The following KSR2 variants were observed in gnomAD, a reference collection of about 807,000 sequenced individuals.
KSR2 encodes kinase suppressor of ras 2.
In KSR2, 25 loss-of-function variants were observed where a neutral mutation model predicts 107.8. The ratio of observed to expected loss-of-function variants is 0.23; its 90% CI spans 0.17 to 0.32. KSR2 has a LOEUF of 0.32. KSR2 is among the 10% of genes least tolerant of loss of function. KSR2 has a pLI of 1.00. For synonymous variants in KSR2, 480 were observed against 507.0 expected (o/e 0.95, Z 0.71); for missense variants, 887 against 1,268.9 (o/e 0.70, Z 4.57).
At chr12:117,632,874 C>T (rs946613410) in intron 5 of KSR2, among the ~76,000 whole-genome samples, 1 of 152,206 alleles carries the variant, frequency 6.6e-6, no homozygotes, top group African/African-American at 2.4e-5. Flanking sequence ...TGATCTCATT[C>T]ATTTTTATGG....
intron 5 of KSR2, among the ~76,000 whole-genome samples, chr12:117,638,669 T>C (rs2136395856): frequency 6.6e-6 from 1 of 152,262 alleles, no homozygotes; most frequent in East Asian, 1.9e-4. Context: ...CTCAGGATGA[T>C]GCTATCTCTG....
chr12:117,483,727 T>C (rs893540154), intron 16 of KSR2, among the ~76,000 whole-genome samples: 9 of 152,210 alleles, frequency 5.9e-5, no homozygotes, highest in Admixed American at 3.9e-4. Flanking sequence ...TGATGGTTAA[T>C]GATTCTCCTG....
intron 4 of KSR2, among the ~76,000 whole-genome samples, chr12:117,690,015 A>C (rs995666893): frequency 6.6e-6 from 1 of 151,934 alleles, no homozygotes; most frequent in African/African-American, 2.4e-5. Flanking sequence ...GGAAGAGAGA[A>C]AGAGAAGGAG....
intron 4 of KSR2, among the ~76,000 whole-genome samples, chr12:117,702,915 G>A (rs1378292358): frequency 6.6e-6 from 1 of 152,208 alleles, no homozygotes; most frequent in Non-Finnish European, 1.5e-5. Context: ...TCTTTTCACA[G>A]CTGGACAACT....
intron 1 of KSR2, among the ~76,000 whole-genome samples, chr12:117,949,328 C>T (rs796666816): frequency 6.6e-6 from 1 of 151,124 alleles, no homozygotes; most frequent in Non-Finnish European, 1.5e-5. Flanking sequence ...AGAAAATCTT[C>T]GGAATGGGAG....
rs151098280 is a variant in KSR2 at position 117,770,017 on chromosome 12, G to A, written c.473-8493C>T. Among the ~76,000 whole-genome samples the A allele has an allele frequency of 5.9e-3, 894 of 150,750 alleles. 20 individuals are homozygous for A. The highest frequency in any genetic ancestry group is 0.021 in the African/African-American group (840 of 40,686). On this transcript the variant is annotated intron_variant, in intron 3 of 19. Coordinates refer to ENST00000339824, the MANE Select transcript of KSR2 (RefSeq NM_173598.6). The stretch of plus-strand genomic sequence containing the variant: ...TGCAGTGAGCTAAGATTGTGTCATT[G>A]CACTCCAGCCTGGATGACAAGAGTG...
At position 117,541,269 on chromosome 12, in the gene KSR2, TGGAGGCATG is replaced by T. The variant is rs1231527930; in HGVS notation, c.1519-1391_1519-1383del. 8.1e-4 allele frequency among the ~76,000 whole-genome samples: 113 copies of T among 139,084 alleles called. 2 individuals carry two copies. The highest frequency in any genetic ancestry group is 3.3e-3 in the South Asian group (14 of 4,238). 91.2% of individuals were successfully genotyped at this position (139,084 alleles called of 152,430 possible). On this transcript the variant is annotated intron_variant, in intron 9 of 19. Coordinates refer to ENST00000339824, the MANE Select transcript of KSR2 (RefSeq NM_173598.6). ...AGGCAGGGGGGAACAGTAGCTGATGTGGAGGCATGGGAGGCAGGGAGGCAGGCAGGGAGG... is the reference window on the plus strand; with the variant it reads ...AGGCAGGGGGGAACAGTAGCTGATGTGGAGGCAGGGAGGCAGGCAGGGAGG...
chr12:117,469,614 G>A (rs746274476), intron 19 of KSR2, 48 bp downstream of exon 19: 1 of 1,596,422 alleles, frequency 6.3e-7, no homozygotes, highest in South Asian at 1.1e-5. Flanking sequence ...AGGTGACAAA[G>A]GGCAGAGGAC....
intron 5 of KSR2, among the ~76,000 whole-genome samples, chr12:117,590,995 A>G (rs1326060147): frequency 6.6e-6 from 1 of 152,192 alleles, no homozygotes; most frequent in South Asian, 2.1e-4. Context: ...CAAAATACGT[A>G]TAACCACTTT....
intron 1 of KSR2, among the ~76,000 whole-genome samples, chr12:117,894,043 C>G (rs1012426236): frequency 6.6e-6 from 1 of 151,798 alleles, no homozygotes; most frequent in Non-Finnish European, 1.5e-5. Flanking sequence ...CCGAGTAGCT[C>G]GGAATACAGG....
intron 1 of KSR2, among the ~76,000 whole-genome samples, chr12:117,863,178 C>T (rs912216530): frequency 6.6e-6 from 1 of 152,184 alleles, no homozygotes; most frequent in African/African-American, 2.4e-5. Flanking sequence ...CCAGGCCCCA[C>T]CAAACAGCTG....
chr12:117,542,121 A>G (rs1055559604), intron 9 of KSR2, among the ~76,000 whole-genome samples: 1 of 152,042 alleles, frequency 6.6e-6, no homozygotes, highest in Non-Finnish European at 1.5e-5. Flanking sequence ...TCTTGGGCTC[A>G]TGCGATCTGA....
intron 1 of KSR2, among the ~76,000 whole-genome samples, chr12:117,912,691 G>A (rs150568955): frequency 2.0e-5 from 3 of 152,294 alleles, no homozygotes; most frequent in Non-Finnish European, 2.9e-5. Flanking sequence ...TTTGTACTTT[G>A]TAACACTTTT....
chr12:117,851,033 A>G (rs1892903718), intron 3 of KSR2, among the ~76,000 whole-genome samples: 2 of 152,210 alleles, frequency 1.3e-5, no homozygotes, highest in Non-Finnish European at 2.9e-5. Flanking sequence ...GCATACGTGA[A>G]GTACAGTGTT....
At chr12:117,836,044 G>A (rs1322757130) in intron 3 of KSR2, among the ~76,000 whole-genome samples, 1 of 152,084 alleles carries the variant, frequency 6.6e-6, no homozygotes, top group African/African-American at 2.4e-5. Flanking sequence ...CCCACTCTTG[G>A]GGAGTAAAAA....
chr12:117,608,508 CA>C (rs1445331101), intron 5 of KSR2, among the ~76,000 whole-genome samples: 1 of 152,128 alleles, frequency 6.6e-6, no homozygotes, highest in African/African-American at 2.4e-5. Context: ...TACATGCTTC[CA>C]GAACTGTGGG....
At chr12:117,676,313 C>T (rs976139991) in intron 4 of KSR2, among the ~76,000 whole-genome samples, 6 of 152,232 alleles carry the variant, frequency 3.9e-5, no homozygotes, top group Non-Finnish European at 5.9e-5. Flanking sequence ...TGAAATAGCA[C>T]AAGCTGCATT....
intron 5 of KSR2, among the ~76,000 whole-genome samples, chr12:117,610,421 GA>G (rs375226056): frequency 4.4e-4 from 67 of 152,202 alleles, no homozygotes; most frequent in African/African-American, 1.5e-3. Flanking sequence ...GGTGTATTGT[GA>G]GATACTATGC....
intron 3 of KSR2, among the ~76,000 whole-genome samples, chr12:117,798,475 A>T (rs947718294): frequency 3.9e-5 from 6 of 152,114 alleles, no homozygotes; most frequent in Non-Finnish European, 7.4e-5. Flanking sequence ...TCTACTAAAA[A>T]TACAAAAATT....
Sources: gnomAD v4.1 joint callset for allele counts (sites outside exome capture counted in the v4.1 genomes callset) on GRCh38, gnomAD v4.1.1 for gene constraint, MANE v1.5 for transcripts, NCBI Gene and HGNC (gene_info 2026-07-23, HGNC 2026-07-21) for gene names.